Variants in ZDHHC2 observed in about 807,000 individuals in gnomAD.
ZDHHC2 encodes the protein palmitoyltransferase ZDHHC2.
A neutral mutation model predicts 55.6 loss-of-function variants in ZDHHC2; 51 were observed. That is an observed-to-expected ratio of 0.92 (90% confidence interval 0.73 to 1.16). The LOEUF is 1.16. Among genes scored for constraint, ZDHHC2 ranks in the 50% most tolerant of loss-of-function variants. ZDHHC2 has a pLI of 0.00. For synonymous variants in ZDHHC2, 199 were observed against 152.9 expected (o/e 1.30, Z -2.22); for missense variants, 491 against 442.4 (o/e 1.11, Z -0.99).
rs969881785 is a variant in ZDHHC2, at chr8:17,209,785, A to G, written c.731-147A>G. The G allele has an allele frequency of 1.6e-5, 13 of 805,630 alleles. No homozygotes were observed. In the African/African-American group the frequency reaches 2.1e-4, roughly 13 times the overall value. The allele number at this position is 805,630 out of a possible 1,614,324, so 49.9% of individuals were successfully genotyped here. ...AAACAGAATGGACACCCTATATTTC[A>G]GGGCTGTTGACAGGCACATAAGCCC... On this transcript the variant is annotated intron_variant, in intron 8 of 12. Coordinates refer to ENST00000262096, the MANE Select transcript of ZDHHC2 (RefSeq NM_016353.5).
At chr8:17,208,620 GATTA>G (rs764801965) in intron 8 of ZDHHC2, among the ~76,000 whole-genome samples, 20 of 151,998 alleles carry the variant, frequency 1.3e-4, no homozygotes, top group Non-Finnish European at 2.1e-4. Context: ...ATGCAATGAG[GATTA>G]ATTACAGTGG....
intron 4 of ZDHHC2, among the ~76,000 whole-genome samples, chr8:17,196,358 C>G (rs1167887242): frequency 2.6e-5 from 4 of 152,054 alleles, no homozygotes; most frequent in South Asian, 2.1e-4. Flanking sequence ...TAAATACACA[C>G]TGGTTTCAAA....
intron 11 of ZDHHC2, among the ~76,000 whole-genome samples, chr8:17,216,536 C>G (rs755160248): frequency 6.6e-6 from 1 of 152,108 alleles, no homozygotes; most frequent in African/African-American, 2.4e-5. Flanking sequence ...TTCTTTGAAT[C>G]CATCATTTTC....
At chr8:17,215,560 G>C (rs1325781270) in intron 11 of ZDHHC2, among the ~76,000 whole-genome samples, 1 of 152,164 alleles carries the variant, frequency 6.6e-6, no homozygotes, top group Non-Finnish European at 1.5e-5. Context: ...AGATGGATCT[G>C]CATTGCCTTT....
intron 1 of ZDHHC2, among the ~76,000 whole-genome samples, chr8:17,163,479 A>G (rs1472354888): frequency 6.6e-6 from 1 of 152,146 alleles, no homozygotes; most frequent in East Asian, 1.9e-4. Flanking sequence ...TCTCCATGAA[A>G]TGGTCCTCAT....
At chr8:17,174,002 T>C (rs1804996432) in intron 1 of ZDHHC2, among the ~76,000 whole-genome samples, 1 of 151,600 alleles carries the variant, frequency 6.6e-6, no homozygotes, top group Non-Finnish European at 1.5e-5. Context: ...GTACAGAGAG[T>C]AGGTGGTCGC....
intron 1 of ZDHHC2, among the ~76,000 whole-genome samples, chr8:17,182,460 T>C (rs557485807): frequency 1.3e-4 from 20 of 152,290 alleles, no homozygotes; most frequent in African/African-American, 4.8e-4. Context: ...TTACAGGAAA[T>C]TGAACCGGCT....
At chr8:17,206,342 G>A (rs370035915) in intron 7 of ZDHHC2, among the ~76,000 whole-genome samples, 1 of 152,070 alleles carries the variant, frequency 6.6e-6, no homozygotes, top group African/African-American at 2.4e-5. Context: ...TAAATAAGGT[G>A]CGTTTAAGTA....
intron 1 of ZDHHC2, among the ~76,000 whole-genome samples, chr8:17,160,811 A>C (rs892956915): frequency 6.6e-6 from 1 of 152,226 alleles, no homozygotes; most frequent in South Asian, 2.1e-4. Flanking sequence ...CAACTCTGCT[A>C]TCTTAGAGAG....
chr8:17,185,063 A>G (rs762459504), intron 2 of ZDHHC2, among the ~76,000 whole-genome samples: 13 of 152,148 alleles, frequency 8.5e-5, no homozygotes, highest in Middle Eastern at 3.2e-3. Context: ...GATATCAACA[A>G]TTTCCTTTCC....
chr8:17,180,474 A>G (rs1268163614), intron 1 of ZDHHC2, among the ~76,000 whole-genome samples: 1 of 152,202 alleles, frequency 6.6e-6, no homozygotes, highest in Non-Finnish European at 1.5e-5. Context: ...AGGAGCCTGT[A>G]CAAATATTAC....
intron 1 of ZDHHC2, among the ~76,000 whole-genome samples, chr8:17,170,122 C>T (rs1322722731): frequency 6.6e-6 from 1 of 152,062 alleles, no homozygotes; most frequent in African/African-American, 2.4e-5. Context: ...TGATTTGCTG[C>T]AAGTAAGAAG....
chr8:17,177,785 T>G (rs542191129), intron 1 of ZDHHC2, among the ~76,000 whole-genome samples: 126 of 151,220 alleles, frequency 8.3e-4, no homozygotes, highest in African/African-American at 2.8e-3. Context: ...TTTGTGTGTG[T>G]GGGGGTGGGG....
At chr8:17,186,301 A>G (rs934740668) in intron 2 of ZDHHC2, 30 bp from the exon 3 acceptor site, 1 of 1,431,838 alleles carries the variant, frequency 7.0e-7, no homozygotes, top group Non-Finnish European at 9.6e-7. Flanking sequence ...TTTGCATATT[A>G]TAATGATAAT....
chr8:17,169,232 AT>A (rs33912144), intron 1 of ZDHHC2, among the ~76,000 whole-genome samples: 65,958 of 137,348 alleles, frequency 0.48, 16,305 homozygotes, highest in East Asian at 0.73. Flanking sequence ...CACTGCAGCA[AT>A]TTTTTTTTTT....
At chr8:17,212,928 T>A (rs1807456789) in intron 10 of ZDHHC2, among the ~76,000 whole-genome samples, 1 of 152,104 alleles carries the variant, frequency 6.6e-6, no homozygotes, top group Non-Finnish European at 1.5e-5. Flanking sequence ...AGTTTTGTGA[T>A]CATAGCTCAC....
chr8:17,220,059 T>A (rs1807848212), intron 12 of ZDHHC2, among the ~76,000 whole-genome samples, 197 bp from the exon 13 acceptor site: 1 of 152,174 alleles, frequency 6.6e-6, no homozygotes, highest in African/African-American at 2.4e-5. Flanking sequence ...TTTAATAGGA[T>A]CCTTTCGTAT....
rs143289558 is a variant in ZDHHC2 at position 17,211,285 on chromosome 8, A to G, written c.950+805A>G. ...AGCCAGTAGCAAAAGCATAACCATA[A>G]TATCATTCTTCATTAAACGTTAGAG... On this transcript the variant is annotated intron_variant, in intron 10 of 12. Transcript: ENST00000262096. 9.2e-5 allele frequency among the ~76,000 whole-genome samples: 14 copies of G among 152,170 alleles called. 1 individual carries two copies. Among genetic ancestry groups the G allele is most frequent in the African/African-American group, 2.9e-4 (12 of 41,514 alleles).
In ZDHHC2 at chr8:17,222,329, C is replaced by T. The variant is rs1807960201; in HGVS notation, c.*2108C>T. 1 of 151,230 alleles carries T rather than the reference C, an allele frequency of 6.6e-6. No homozygotes were observed. Among genetic ancestry groups the T allele is most frequent in the Non-Finnish European group, 1.5e-5 (1 of 67,616 alleles). The allele number at this position is 151,230 out of a possible 1,614,324, so 9.4% of individuals were successfully genotyped here. On this transcript the variant is annotated 3_prime_UTR_variant, in exon 13 of 13. Coordinates refer to ENST00000262096, the MANE Select transcript of ZDHHC2 (RefSeq NM_016353.5). ...ATGATTGCATATCTCATTAGATATG[C>T]AATATAAATTTATCTGAGTGAACAA... is the stretch of plus-strand genomic sequence containing the variant.
Sources: allele counts gnomAD v4.1 joint callset (sites outside exome capture counted in the v4.1 genomes callset), GRCh38; gene constraint gnomAD v4.1.1; transcripts MANE v1.5; gene names NCBI Gene and HGNC (gene_info 2026-07-23, HGNC 2026-07-21).